GPC5: variants seen among roughly 807,000 people sequenced by gnomAD.
The protein encoded by GPC5 is glypican 5, also known as glypican-5.
Under a neutral mutation model 53.9 loss-of-function variants are expected in GPC5, and 47 were observed. The ratio of observed to expected loss-of-function variants is 0.87; its 90% CI spans 0.69 to 1.11. The LOEUF (loss-of-function observed/expected upper bound fraction) is 1.11. GPC5 is among the 50% of genes most tolerant of loss of function. The pLI is 0.00. For missense variants in GPC5, 748 were observed against 713.1 expected, an observed-to-expected ratio of 1.05 and a Z score of -0.56; for synonymous variants, 286 against 263.3, an observed-to-expected ratio of 1.09 and a Z score of -0.84.
At chr13:92,605,581 T>G (rs1052107490) in intron 7 of GPC5, among the ~76,000 whole-genome samples, 7 of 149,296 alleles carry the variant, frequency 4.7e-5, no homozygotes, top group African/African-American at 7.7e-5. Context: ...CACTAGTTTT[T>G]TTTTTTTTTT....
At chr13:92,041,303 C>G (rs922718806) in intron 6 of GPC5, among the ~76,000 whole-genome samples, 5 of 152,140 alleles carry the variant, frequency 3.3e-5, no homozygotes, top group African/African-American at 1.2e-4. Context: ...CCAGAAGAGT[C>G]TTTGAGGATA....
At chr13:91,969,128 T>C (rs1184297362) in intron 6 of GPC5, among the ~76,000 whole-genome samples, 1 of 151,714 alleles carries the variant, frequency 6.6e-6, no homozygotes, top group African/African-American at 2.4e-5. Flanking sequence ...GCCACCACCC[T>C]CAGCTAATTT....
chr13:91,834,092 C>A (rs905218099), intron 5 of GPC5, among the ~76,000 whole-genome samples: 8 of 152,082 alleles, frequency 5.3e-5, no homozygotes, highest in African/African-American at 1.9e-4. Flanking sequence ...CATTCCTATA[C>A]ACCAAATAAC....
intron 6 of GPC5, among the ~76,000 whole-genome samples, chr13:92,043,438 A>G (rs539202176): frequency 1.3e-5 from 2 of 152,318 alleles, no homozygotes; most frequent in East Asian, 1.9e-4. Context: ...GGTATAGTAT[A>G]CAAGAGTGAT....
At chr13:92,794,293 T>A (rs931780045) in intron 7 of GPC5, among the ~76,000 whole-genome samples, 1 of 152,180 alleles carries the variant, frequency 6.6e-6, no homozygotes, top group Non-Finnish European at 1.5e-5. Context: ...CATATGATTA[T>A]CTCAATAGAT....
At chr13:91,533,039 G>A (rs1396053043) in intron 2 of GPC5, among the ~76,000 whole-genome samples, 1 of 152,210 alleles carries the variant, frequency 6.6e-6, no homozygotes, top group African/African-American at 2.4e-5. Flanking sequence ...AATTACTCAT[G>A]TACTCTGGAA....
chr13:92,347,909 TATAA>T (rs1373418425), intron 7 of GPC5, among the ~76,000 whole-genome samples: 65 of 14,234 alleles, frequency 4.6e-3, no homozygotes, highest in East Asian at 0.013. Context: ...ATAATATATA[TATAA>T]TATATATATA....
intron 7 of GPC5, among the ~76,000 whole-genome samples, chr13:92,176,143 T>C (rs2042107974): frequency 6.6e-6 from 1 of 152,242 alleles, no homozygotes; most frequent in Admixed American, 6.5e-5. Context: ...TACAAATTAC[T>C]GTCCACAACC....
At chr13:91,972,261 C>G (rs1400946995) in intron 6 of GPC5, among the ~76,000 whole-genome samples, 1 of 152,150 alleles carries the variant, frequency 6.6e-6, no homozygotes, top group Non-Finnish European at 1.5e-5. Flanking sequence ...GGTTTAAAGT[C>G]TGTTTTATCA....
chr13:92,657,815 T>G (rs191850972), intron 7 of GPC5, among the ~76,000 whole-genome samples: 12 of 152,222 alleles, frequency 7.9e-5, no homozygotes, highest in African/African-American at 2.6e-4. Context: ...TTACATTCTT[T>G]TAACTCTTCA....
chr13:91,585,302 A>G (rs1278646846), intron 2 of GPC5, among the ~76,000 whole-genome samples: 3 of 152,210 alleles, frequency 2.0e-5, no homozygotes, highest in Non-Finnish European at 4.4e-5. Flanking sequence ...TATACCCAAA[A>G]GAAATGCATA....
intron 7 of GPC5, among the ~76,000 whole-genome samples, chr13:92,317,484 GT>G (rs2043187216): frequency 6.6e-6 from 1 of 151,558 alleles, no homozygotes; most frequent in Admixed American, 6.6e-5. Context: ...TTTGTTTTTT[GT>G]TTTTTGTTTT....
chr13:91,742,821 A>T (rs1353481762), intron 4 of GPC5, among the ~76,000 whole-genome samples: 1 of 152,170 alleles, frequency 6.6e-6, no homozygotes, highest in African/African-American at 2.4e-5. Context: ...CTTAAGTTGC[A>T]TTATGATATT....
chr13:92,353,763 G>A (rs1288481894), intron 7 of GPC5, among the ~76,000 whole-genome samples: 1 of 152,034 alleles, frequency 6.6e-6, no homozygotes, highest in East Asian at 1.9e-4. Context: ...TTTAGGGGAT[G>A]GCTAAATGTT....
intron 2 of GPC5, among the ~76,000 whole-genome samples, chr13:91,574,693 A>AT (rs2032069744): frequency 6.6e-6 from 1 of 152,034 alleles, no homozygotes; most frequent in Non-Finnish European, 1.5e-5. Context: ...ACTTGATTTT[A>AT]TTTTACCTCT....
At chr13:92,384,463 A>C (rs553694792) in intron 7 of GPC5, among the ~76,000 whole-genome samples, 484 of 143,666 alleles carry the variant, frequency 3.4e-3, no homozygotes, top group Non-Finnish European at 6.1e-3. Flanking sequence ...GTATGACTTA[A>C]AGGAAATCGA....
At chr13:91,749,726 C>T (rs995452443) in intron 4 of GPC5, among the ~76,000 whole-genome samples, 1 of 152,220 alleles carries the variant, frequency 6.6e-6, no homozygotes, top group Non-Finnish European at 1.5e-5. Context: ...GTTCCCTTTT[C>T]TCCACATCTT....
intron 2 of GPC5, among the ~76,000 whole-genome samples, chr13:91,603,265 C>T (rs139686320): frequency 4.8e-4 from 73 of 152,278 alleles, no homozygotes; most frequent in African/African-American, 1.6e-3. Context: ...GAGCTCTCTC[C>T]GTAAATGATG....
At chr13:92,476,130 T>C (rs1879117755) in intron 7 of GPC5, among the ~76,000 whole-genome samples, 2 of 152,262 alleles carry the variant, frequency 1.3e-5, no homozygotes, top group African/African-American at 4.8e-5. Flanking sequence ...GAGAAAATTT[T>C]TGCAACCTAC....
Sources: allele counts gnomAD v4.1 joint callset (sites outside exome capture counted in the v4.1 genomes callset), GRCh38; gene constraint gnomAD v4.1.1; transcripts MANE v1.5; gene names NCBI Gene and HGNC (gene_info 2026-07-23, HGNC 2026-07-21).